PRKCE: variants seen among roughly 807,000 people sequenced by gnomAD.
The protein encoded by PRKCE is protein kinase C epsilon.
A neutral mutation model predicts 85.4 loss-of-function variants in PRKCE; 16 were observed. That is an observed-to-expected ratio of 0.19 (90% CI 0.13 to 0.28). PRKCE has a LOEUF of 0.28. PRKCE is among the 10% of genes least tolerant of loss of function. The pLI is 1.00. For missense variants in PRKCE, 573 were observed against 975.2 expected (o/e 0.59, Z 5.49); for synonymous variants, 388 against 371.5 (o/e 1.04, Z -0.51).
At chr2:46,085,748 TGTTTTTG>T (rs767943600) in intron 10 of PRKCE, among the ~76,000 whole-genome samples, 735 of 35,356 alleles carry the variant, frequency 0.021, 122 homozygotes, top group Non-Finnish European at 0.024. Flanking sequence ...TTTTTTTTTT[TGTTTTTG>T]TTTTTTTTTT....
At chr2:45,991,566 G>A (rs559750560) in intron 6 of PRKCE, among the ~76,000 whole-genome samples, 55 of 152,268 alleles carry the variant, frequency 3.6e-4, no homozygotes, top group African/African-American at 1.1e-3. Context: ...TGGATGTTCC[G>A]TAGATTGTTT....
At chr2:45,839,152 A>G (rs1434645314) in intron 1 of PRKCE, among the ~76,000 whole-genome samples, 1 of 151,890 alleles carries the variant, frequency 6.6e-6, no homozygotes, top group Non-Finnish European at 1.5e-5. Flanking sequence ...TTTTTAACTA[A>G]GGTAAGGTGC....
intron 2 of PRKCE, among the ~76,000 whole-genome samples, chr2:45,933,982 A>C (rs1273672531): frequency 6.6e-6 from 1 of 152,200 alleles, no homozygotes; most frequent in East Asian, 1.9e-4. Flanking sequence ...AATTTTATCC[A>C]GTGAATTTGT....
intron 1 of PRKCE, among the ~76,000 whole-genome samples, chr2:45,779,632 T>C (rs925445520): frequency 6.6e-6 from 1 of 151,330 alleles, no homozygotes; most frequent in Non-Finnish European, 1.5e-5. Flanking sequence ...GAAAATCTCC[T>C]ACCAGGCCTA....
intron 2 of PRKCE, among the ~76,000 whole-genome samples, chr2:45,880,220 G>A (rs1472276232): frequency 1.3e-5 from 2 of 152,192 alleles, no homozygotes; most frequent in Non-Finnish European, 2.9e-5. Context: ...TGGCTAAAGA[G>A]TGTTCCGTTA....
intron 1 of PRKCE, among the ~76,000 whole-genome samples, chr2:45,699,176 C>T (rs1384517150): frequency 1.3e-5 from 2 of 152,168 alleles, no homozygotes; most frequent in Middle Eastern, 3.4e-3. Context: ...TCCCTGTCTG[C>T]TGTTCGTCCT....
intron 10 of PRKCE, among the ~76,000 whole-genome samples, chr2:46,063,193 T>C (rs183665155): frequency 4.6e-5 from 7 of 152,302 alleles, no homozygotes; most frequent in East Asian, 1.9e-4. Context: ...CTGGTTATTA[T>C]GTTCCGTTGA....
intron 14 of PRKCE, among the ~76,000 whole-genome samples, chr2:46,181,782 C>T (rs1288175054): frequency 6.6e-6 from 1 of 152,184 alleles, no homozygotes; most frequent in Non-Finnish European, 1.5e-5. Flanking sequence ...ACAGGTTCCC[C>T]TCATTAGCAG....
intron 5 of PRKCE, 94 bp from the exon 6 acceptor site, chr2:45,984,457 C>T: frequency 6.6e-7 from 1 of 1,525,712 alleles, no homozygotes. Context: ...ATGACACAAG[C>T]TCTCTTGGAA....
chr2:45,935,763 C>A (rs914227269), intron 2 of PRKCE, among the ~76,000 whole-genome samples: 1 of 145,406 alleles, frequency 6.9e-6, no homozygotes, highest in East Asian at 2.0e-4. Context: ...CCAGCCCACA[C>A]GACAAAGTGA....
intron 1 of PRKCE, among the ~76,000 whole-genome samples, chr2:45,780,675 G>A (rs561323483): frequency 1.3e-5 from 2 of 152,230 alleles, no homozygotes; most frequent in Non-Finnish European, 2.9e-5. Context: ...GTTTCCAGGG[G>A]GTCACATCTC....
intron 1 of PRKCE, among the ~76,000 whole-genome samples, chr2:45,834,217 G>A (rs575419598): frequency 2.2e-4 from 34 of 152,304 alleles, no homozygotes; most frequent in Admixed American, 1.6e-3. Flanking sequence ...AATGGCTGCT[G>A]CTAACTTGGT....
chr2:45,736,971 T>C (rs1340052798), intron 1 of PRKCE, among the ~76,000 whole-genome samples: 1 of 152,100 alleles, frequency 6.6e-6, no homozygotes, highest in African/African-American at 2.4e-5. Context: ...AATGAGCAGA[T>C]GGAAGAGGGG....
At chr2:46,182,093 G>A (rs555912154) in intron 14 of PRKCE, among the ~76,000 whole-genome samples, 31 of 151,852 alleles carry the variant, frequency 2.0e-4, no homozygotes, top group African/African-American at 7.5e-4. Context: ...TATCCCCTTC[G>A]GCTCCAGCTC....
At chr2:45,783,044 C>T (rs572522878) in intron 1 of PRKCE, among the ~76,000 whole-genome samples, 6 of 152,180 alleles carry the variant, frequency 3.9e-5, no homozygotes, top group South Asian at 2.1e-4. Flanking sequence ...GCGCCTTCCC[C>T]GTCCAAATTG....
Position 46,087,427 on chromosome 2 carries a change from C to T in PRKCE, c.1592+1065C>T, listed in dbSNP as rs767280889. ...AGGTCCTAACCCTTGAATGTGTGAA[C>T]GTTACTGACCTGCTCCTGGGAGCAG... On this transcript the variant is annotated intron_variant, in intron 11 of 14. Transcript: ENST00000306156. 5.3e-5 allele frequency among the ~76,000 whole-genome samples: 8 copies of T among 152,220 alleles called. No individual in the cohort carries two copies. In the South Asian group the frequency reaches 6.2e-4, roughly 12 times the overall value.
Position 45,835,060 on chromosome 2 carries a change from G to T in PRKCE, c.349-7940G>T, listed in dbSNP as rs192196666. ...TGAGTGTGTTTGCACACGTGGGTGG[G>T]TGTGTGAATGTGCACGCCTACACAG... is the stretch of plus-strand genomic sequence containing the variant. On this transcript the variant is annotated intron_variant, in intron 1 of 14. Transcript: ENST00000306156. Among the ~76,000 whole-genome samples the T allele has an allele frequency of 4.1e-3, 619 of 152,264 alleles. 1 individual carries two copies. Among genetic ancestry groups the T allele is most frequent in the African/African-American group, 0.014 (589 of 41,550 alleles).
In PRKCE at chr2:46,125,829, T is replaced by C. The variant is rs922974660; in HGVS notation, c.1593-19264T>C. Among the ~76,000 whole-genome samples the C allele has an allele frequency of 3.3e-5, 5 of 152,190 alleles. No homozygotes were observed. The East Asian group carries it at 9.6e-4, about 29-fold the overall frequency. ...AATTAAATAAGCATGAAAATCAAAGTCCATTGCATACATGATTACTGCCAG... is the reference window on the plus strand; with the variant it reads ...AATTAAATAAGCATGAAAATCAAAGCCCATTGCATACATGATTACTGCCAG... On this transcript the variant is annotated intron_variant, in intron 11 of 14. Transcript: ENST00000306156.
At chr2:46,127,447 C>A (rs1673973609) in intron 11 of PRKCE, among the ~76,000 whole-genome samples, 1 of 152,184 alleles carries the variant, frequency 6.6e-6, no homozygotes, top group Non-Finnish European at 1.5e-5. Flanking sequence ...TGGCAATATT[C>A]ATCCAGTAGC....
Sources: gnomAD v4.1 joint callset for allele counts (sites outside exome capture counted in the v4.1 genomes callset) on GRCh38, gnomAD v4.1.1 for gene constraint, MANE v1.5 for transcripts, NCBI Gene and HGNC (gene_info 2026-07-23, HGNC 2026-07-21) for gene names.